Variants in SH3D19 observed in about 807,000 individuals in gnomAD.
The protein encoded by SH3D19 is SH3 domain containing 19.
In SH3D19, 58 loss-of-function variants were observed where a neutral mutation model predicts 112.1. That is an observed-to-expected ratio of 0.52 (90% confidence interval 0.42 to 0.64). The LOEUF (loss-of-function observed/expected upper bound fraction) is 0.64. SH3D19 is among the 30% of genes least tolerant of loss of function. SH3D19 has a pLI of 0.00. For synonymous variants in SH3D19, 391 were observed against 448.5 expected (o/e 0.87, Z 1.62); for missense variants, 1,090 against 1,263.4 (o/e 0.86, Z 2.08).
chr4:151,299,118 C>T (rs533746353), intron 1 of SH3D19, among the ~76,000 whole-genome samples: 293 of 152,258 alleles, frequency 1.9e-3, no homozygotes, highest in Middle Eastern at 3.4e-3. Flanking sequence ...TTTATGATAA[C>T]AGAAAGCTAT....
At chr4:151,252,230 A>G (rs887367240) in intron 1 of SH3D19, among the ~76,000 whole-genome samples, 9 of 152,206 alleles carry the variant, frequency 5.9e-5, no homozygotes, top group Non-Finnish European at 2.9e-5. Flanking sequence ...TCTTAAAACA[A>G]CAAGAACAAA....
chr4:151,252,255 A>G (rs11099799), intron 1 of SH3D19, among the ~76,000 whole-genome samples: 49,888 of 152,120 alleles, frequency 0.33, 9,501 homozygotes, highest in Non-Finnish European at 0.44. Flanking sequence ...TGTGCCACCC[A>G]GCCTCTTCTG....
intron 9 of SH3D19, among the ~76,000 whole-genome samples, chr4:151,150,184 CA>C (rs759365990): frequency 4.9e-3 from 35 of 7,200 alleles, no homozygotes; most frequent in East Asian, 0.01. Context: ...GACTCCATCT[CA>C]AAAAAAAAAA....
At chr4:151,290,303 T>G (rs1431234470) in intron 1 of SH3D19, among the ~76,000 whole-genome samples, 1 of 152,176 alleles carries the variant, frequency 6.6e-6, no homozygotes, top group African/African-American at 2.4e-5. Context: ...CAATGTCCAT[T>G]AGGTGATGAA....
chr4:151,218,767 T>C (rs1561365044), intron 2 of SH3D19, among the ~76,000 whole-genome samples: 1 of 152,200 alleles, frequency 6.6e-6, no homozygotes, highest in Non-Finnish European at 1.5e-5. Context: ...TACCTATACG[T>C]AGTCATAAAA....
At chr4:151,249,272 G>T (rs1315181883) in intron 1 of SH3D19, among the ~76,000 whole-genome samples, 1 of 152,122 alleles carries the variant, frequency 6.6e-6, no homozygotes, top group Non-Finnish European at 1.5e-5. Context: ...TTCAATAAAA[G>T]ATTTATAATT....
intron 1 of SH3D19, among the ~76,000 whole-genome samples, chr4:151,283,653 T>A (rs1377287855): frequency 6.6e-6 from 1 of 151,908 alleles, no homozygotes; most frequent in Non-Finnish European, 1.5e-5. Context: ...CCTGAGTAGC[T>A]GGGACTACAA....
intron 2 of SH3D19, among the ~76,000 whole-genome samples, chr4:151,190,214 T>G (rs1762408337): frequency 6.6e-6 from 1 of 152,172 alleles, no homozygotes; most frequent in East Asian, 1.9e-4. Context: ...TTGGGTTCTT[T>G]TAAAGGCATT....
At chr4:151,298,181 A>ATTTTTTTTTTTTTTTTTT (rs386401883) in intron 1 of SH3D19, among the ~76,000 whole-genome samples, 1 of 94,886 alleles carries the variant, frequency 1.1e-5, no homozygotes, top group Non-Finnish European at 2.0e-5. Context: ...AGAATAATAA[A>ATTTTTTTTTTTTTTTTTT]TTTTTTTTTT....
chr4:151,153,392 G>A (rs546400866), intron 9 of SH3D19, among the ~76,000 whole-genome samples: 8 of 151,500 alleles, frequency 5.3e-5, no homozygotes, highest in Admixed American at 3.9e-4. Flanking sequence ...GATTACAGGC[G>A]TGCTCCACCA....
intron 1 of SH3D19, among the ~76,000 whole-genome samples, chr4:151,313,462 GC>G (rs1267876133): frequency 5.3e-5 from 8 of 151,604 alleles, no homozygotes; most frequent in African/African-American, 1.9e-4. Context: ...TGTCACCCAG[GC>G]TGGAGTGCAG....
chr4:151,153,606 T>C (rs1417264110), intron 9 of SH3D19, among the ~76,000 whole-genome samples: 1 of 151,992 alleles, frequency 6.6e-6, no homozygotes, highest in African/African-American at 2.4e-5. Context: ...GTAATTTTTT[T>C]TAAAAAAAAA....
At chr4:151,199,180 C>T (rs1764024631) in intron 2 of SH3D19, among the ~76,000 whole-genome samples, 1 of 151,990 alleles carries the variant, frequency 6.6e-6, no homozygotes, top group Non-Finnish European at 1.5e-5. Context: ...TGGGAGCCCA[C>T]AAAGAAGTAT....
intron 1 of SH3D19, among the ~76,000 whole-genome samples, chr4:151,245,927 C>A (rs1770913299): frequency 6.6e-6 from 1 of 151,752 alleles, no homozygotes; most frequent in Admixed American, 6.6e-5. Flanking sequence ...TTTACTGGGA[C>A]TTGACCCATT....
chr4:151,281,699 T>TTTA (rs751514957), intron 1 of SH3D19, among the ~76,000 whole-genome samples: 2 of 149,278 alleles, frequency 1.3e-5, no homozygotes, highest in African/African-American at 5.1e-5. Flanking sequence ...TTATTTATTT[T>TTTA]GTACATCTTA....
chr4:151,277,133 C>A, intron 1 of SH3D19: 1 of 1,360,868 alleles, frequency 7.3e-7, no homozygotes, highest in East Asian at 2.7e-5. Context: ...AGCCTGAGTC[C>A]AGGAAGCAGG....
chr4:151,297,939 A>T (rs1775813428), intron 1 of SH3D19, among the ~76,000 whole-genome samples: 3 of 152,186 alleles, frequency 2.0e-5, no homozygotes, highest in Admixed American at 2.0e-4. Context: ...TAATGAGAGT[A>T]TGCAGAAGAC....
At chr4:151,187,040 T>C (rs2149849717) in intron 3 of SH3D19, among the ~76,000 whole-genome samples, 1 of 151,362 alleles carries the variant, frequency 6.6e-6, no homozygotes, top group East Asian at 2.0e-4. Flanking sequence ...GTGATCCGCC[T>C]GCCTTGGCCT....
chr4:151,223,975 T>A (rs1351106076), intron 2 of SH3D19, among the ~76,000 whole-genome samples: 1 of 152,136 alleles, frequency 6.6e-6, no homozygotes, highest in East Asian at 1.9e-4. Flanking sequence ...ATACTTCAGT[T>A]TTTCAAGGTC....
Sources: allele counts gnomAD v4.1 joint callset (sites outside exome capture counted in the v4.1 genomes callset), GRCh38; gene constraint gnomAD v4.1.1; transcripts MANE v1.5; gene names NCBI Gene and HGNC (gene_info 2026-07-23, HGNC 2026-07-21).